The following TENM2 variants were observed in gnomAD, a reference collection of about 807,000 sequenced individuals.
TENM2 encodes teneurin-2.
TENM2 carries 52 observed loss-of-function variants against 245.2 expected under a neutral mutation model. The observed-to-expected ratio is 0.21, with a 90% CI of 0.17 to 0.27. TENM2 has a LOEUF of 0.27. Among genes scored for constraint, TENM2 ranks in the 10% least tolerant of loss-of-function variants. The pLI, the probability that TENM2 is intolerant of heterozygous loss-of-function variation, is 1.00. For synonymous variants in TENM2, 1,363 were observed against 1,438.9 expected (o/e 0.95, Z 1.19); for missense variants, 3,046 against 3,666.8 (o/e 0.83, Z 4.37).
chr5:168,040,561 A>C (rs1363348271), intron 5 of TENM2, among the ~76,000 whole-genome samples: 3 of 152,212 alleles, frequency 2.0e-5, no homozygotes, highest in Admixed American at 2.0e-4. Flanking sequence ...TGTCTGGGAA[A>C]AATAGGAGAA....
chr5:167,472,513 T>C (rs1032927074), intron 2 of TENM2, among the ~76,000 whole-genome samples: 1 of 152,188 alleles, frequency 6.6e-6, no homozygotes, highest in African/African-American at 2.4e-5. Flanking sequence ...TGCCTAAAAT[T>C]GGCTGGTTTG....
At chr5:167,477,251 G>A (rs1350162889) in intron 2 of TENM2, among the ~76,000 whole-genome samples, 3 of 121,074 alleles carry the variant, frequency 2.5e-5, no homozygotes, top group Non-Finnish European at 3.4e-5. Flanking sequence ...TTTTTTCTGT[G>A]AGTGAATAAT....
At chr5:168,185,077 G>C (rs1760267822) in intron 13 of TENM2, 1 of 152,216 alleles carries the variant, frequency 6.6e-6, no homozygotes, top group South Asian at 2.1e-4. Flanking sequence ...TTCTTTCCCA[G>C]CTATAGGAGT....
At chr5:167,392,898 T>G (rs778156671) in intron 2 of TENM2, among the ~76,000 whole-genome samples, 28 of 151,972 alleles carry the variant, frequency 1.8e-4, no homozygotes, top group Non-Finnish European at 2.2e-4. Context: ...TCCATGCGGG[T>G]GGATCAGGAG....
the TENM2 span, among the ~76,000 whole-genome samples, chr5:167,025,859 G>A: frequency 2.1e-3 from 316 of 152,132 alleles, no homozygotes; most frequent in Non-Finnish European, 3.7e-3. Flanking sequence ...CTTCTCATTA[G>A]TTAGAGCTTT....
intron 9 of TENM2, among the ~76,000 whole-genome samples, chr5:168,112,292 G>A (rs1271894307): frequency 6.6e-6 from 1 of 151,936 alleles, no homozygotes; most frequent in Admixed American, 6.6e-5. Flanking sequence ...TGTGTCATGG[G>A]GGGTTGTTGT....
chr5:167,662,445 G>A (rs568682724), intron 2 of TENM2, among the ~76,000 whole-genome samples: 29 of 152,236 alleles, frequency 1.9e-4, no homozygotes, highest in Non-Finnish European at 3.7e-4. Flanking sequence ...TTACTGGATC[G>A]TGGGGATTCT....
At chr5:166,989,620 G>T in the TENM2 span, among the ~76,000 whole-genome samples, 1 of 150,942 alleles carries the variant, frequency 6.6e-6, no homozygotes, top group Non-Finnish European at 1.5e-5. Flanking sequence ...TTGAACTCCC[G>T]ACCTCACGTG....
chr5:167,071,878 G>GGCCCCCC, the TENM2 span, among the ~76,000 whole-genome samples: 3 of 124,022 alleles, frequency 2.4e-5, no homozygotes, highest in Non-Finnish European at 5.1e-5. Flanking sequence ...TTGACAAATC[G>GGCCCCCC]CCCCCCCCCG....
At chr5:167,520,751 T>C (rs547135470) in intron 2 of TENM2, among the ~76,000 whole-genome samples, 2 of 151,924 alleles carry the variant, frequency 1.3e-5, no homozygotes, top group East Asian at 3.9e-4. Context: ...ATGGCGCTGC[T>C]TCCTCCCTAT....
intron 2 of TENM2, 105 bp from the exon 5 acceptor site, chr5:167,875,881 T>C (rs1773378207): frequency 6.8e-6 from 5 of 732,226 alleles, no homozygotes; most frequent in South Asian, 1.9e-5. Flanking sequence ...ATTTCTTTTT[T>C]TTTTTTTTTA....
At position 167,409,468 on chromosome 5, in the gene TENM2, T is replaced by G. The variant is rs569548070; in HGVS notation, c.502+33995T>G. On this transcript the variant is annotated intron_variant, in intron 2 of 28. Transcript: ENST00000518659. ...AATAACATAGGGAAGTACTCATTCA[T>G]CTATTGTTAAGTTAATAAGCAGCCT... is the stretch of plus-strand genomic sequence containing the variant. Among the ~76,000 whole-genome samples the G allele has an allele frequency of 2.0e-4, 31 of 152,140 alleles. No individual in the cohort carries two copies. In the East Asian group the frequency reaches 5.8e-3, roughly 28 times the overall value.
the TENM2 span, among the ~76,000 whole-genome samples, chr5:167,200,474 G>A: frequency 6.6e-6 from 1 of 151,940 alleles, no homozygotes. Flanking sequence ...AAGAGCAATG[G>A]TGGGAAACTT....
intron 1 of TENM2, among the ~76,000 whole-genome samples, chr5:167,311,548 C>T (rs781549916): frequency 2.0e-5 from 3 of 152,160 alleles, no homozygotes; most frequent in Non-Finnish European, 2.9e-5. Flanking sequence ...ATGGATATAT[C>T]ACACTGTACT....
At chr5:167,335,541 C>T (rs1229245096) in intron 1 of TENM2, among the ~76,000 whole-genome samples, 1 of 152,064 alleles carries the variant, frequency 6.6e-6, no homozygotes, top group South Asian at 2.1e-4. Flanking sequence ...TTTCGTTTTG[C>T]ATACAAAAGA....
chr5:167,660,824 G>A (rs1356882187), intron 2 of TENM2, among the ~76,000 whole-genome samples: 1 of 152,054 alleles, frequency 6.6e-6, no homozygotes, highest in African/African-American at 2.4e-5. Context: ...CATATTATAT[G>A]TATCAGCCAT....
chr5:167,177,886 C>A, the TENM2 span, among the ~76,000 whole-genome samples: 3 of 152,162 alleles, frequency 2.0e-5, no homozygotes, highest in African/African-American at 7.2e-5. Flanking sequence ...AGACGAACTG[C>A]AGCAGGTCCA....
chr5:167,691,674 T>G (rs1187090704), intron 2 of TENM2, among the ~76,000 whole-genome samples: 1 of 152,176 alleles, frequency 6.6e-6, no homozygotes, highest in Non-Finnish European at 1.5e-5. Context: ...GTCATTGCGC[T>G]CAAACAGAAC....
At chr5:168,215,369 A>G in intron 21 of TENM2, 97 bp downstream of exon 23, 1 of 927,650 alleles carries the variant, frequency 1.1e-6, no homozygotes, top group Non-Finnish European at 1.7e-6. Context: ...CAGCAGTCCA[A>G]AACACAGCTT....
Sources: gnomAD v4.1 joint callset for allele counts (sites outside exome capture counted in the v4.1 genomes callset) on GRCh38, gnomAD v4.1.1 for gene constraint, MANE v1.5 for transcripts, NCBI Gene and HGNC (gene_info 2026-07-23, HGNC 2026-07-21) for gene names.